STYX: variants seen among roughly 807,000 people sequenced by gnomAD.
STYX encodes serine/threonine/tyrosine interacting protein, also known as serine/threonine/tyrosine-interacting protein.
Under a neutral mutation model 42.7 loss-of-function variants are expected in STYX, and 20 were observed. The observed-to-expected ratio is 0.47, with a 90% confidence interval of 0.33 to 0.68. STYX has a LOEUF of 0.68. STYX is among the 30% of genes least tolerant of loss of function. The pLI, the probability that STYX is intolerant of heterozygous loss-of-function variation, is 0.02. For synonymous variants in STYX, 78 were observed against 81.9 expected, an observed-to-expected ratio of 0.95 and a Z score of 0.26; for missense variants, 226 against 268.5, an observed-to-expected ratio of 0.84 and a Z score of 1.11.
At chr14:52,749,544 A>C (rs1881528714) in intron 3 of STYX, among the ~76,000 whole-genome samples, 1 of 152,190 alleles carries the variant, frequency 6.6e-6, no homozygotes, top group Non-Finnish European at 1.5e-5. Context: ...TGAACAACTT[A>C]ACTAGTTATA....
At position 52,772,857 on chromosome 14, in the gene STYX, G is replaced by T. The variant is rs531875579; in HGVS notation, c.*1751G>T. ...GTGAAAACAGCATATTGTTAATCTC[G>T]TTGTCGTCCAGTATTCTGCTTTGTG... On this transcript the variant is annotated 3_prime_UTR_variant, in exon 11 of 11. Coordinates refer to ENST00000354586, the MANE Select transcript of STYX (RefSeq NM_145251.4). 6.6e-6 allele frequency: 1 copy of T among 151,718 alleles called. No individual in the cohort carries two copies. Among genetic ancestry groups the T allele is most frequent in the South Asian group, 2.1e-4 (1 of 4,800 alleles). The allele number at this position is 151,718 out of a possible 1,614,324, so 9.4% of individuals were successfully genotyped here. A position where few individuals can be genotyped will look rare whatever the true frequency, so the allele number is the denominator to read the frequency against.
rs953391099 is a variant in STYX at position 52,771,275 on chromosome 14, T to A, written c.*169T>A. The A allele has an allele frequency of 7.0e-6, 4 of 570,136 alleles. No homozygotes were observed. Among genetic ancestry groups the A allele is most frequent in the Non-Finnish European group, 1.2e-5 (4 of 330,694 alleles). 35.3% of individuals were successfully genotyped at this position (570,136 alleles called of 1,614,324 possible). Reference sequence around the variant, plus strand: ...TGAGCAACATTTTAAGATGTTGGACTTCTGCAATAGATGACACTGATGGTT... The same window carrying A: ...TGAGCAACATTTTAAGATGTTGGACATCTGCAATAGATGACACTGATGGTT... On this transcript the variant is annotated 3_prime_UTR_variant, in exon 11 of 11. Transcript: ENST00000354586.
At chr14:52,752,902 A>C (rs1249084748) in intron 4 of STYX, among the ~76,000 whole-genome samples, 1 of 116,476 alleles carries the variant, frequency 8.6e-6, no homozygotes, top group African/African-American at 3.3e-5. Flanking sequence ...TTTTTTTGAG[A>C]TGGAGTCTCA....
chr14:52,737,140 A>C (rs1880988546), intron 1 of STYX, among the ~76,000 whole-genome samples: 1 of 152,158 alleles, frequency 6.6e-6, no homozygotes, highest in Admixed American at 6.5e-5. Flanking sequence ...CACTATCCTC[A>C]AATGTATGAA....
intron 2 of STYX, among the ~76,000 whole-genome samples, chr14:52,746,171 G>A (rs1383453481): frequency 6.6e-6 from 1 of 151,994 alleles, no homozygotes; most frequent in African/African-American, 2.4e-5. Flanking sequence ...GTTCATGTCT[G>A]TAATTCCAGC....
chr14:52,757,452 C>G, intron 6 of STYX, 97 bp downstream of exon 6: 4 of 1,154,972 alleles, frequency 3.5e-6, no homozygotes, highest in Non-Finnish European at 5.0e-6. Context: ...ATGGAAGTTA[C>G]AATTATATGT....
chr14:52,770,938 A>T (rs1047120278), intron 10 of STYX, 95 bp from the exon 11 acceptor site: 2 of 1,071,774 alleles, frequency 1.9e-6, no homozygotes, highest in African/African-American at 3.2e-5. Context: ...TTCATAGTGT[A>T]TACATGATCA....
chr14:52,738,373 T>G (rs1367164679), intron 1 of STYX, among the ~76,000 whole-genome samples: 1 of 152,088 alleles, frequency 6.6e-6, no homozygotes, highest in Non-Finnish European at 1.5e-5. Context: ...CTCAAGAGAG[T>G]CTTTCATGTT....
At chr14:52,737,084 A>G (rs1880984219) in intron 1 of STYX, among the ~76,000 whole-genome samples, 1 of 151,998 alleles carries the variant, frequency 6.6e-6, no homozygotes, top group Admixed American at 6.6e-5. Flanking sequence ...CCTCCAGCCT[A>G]TGTACAATTT....
intron 9 of STYX, among the ~76,000 whole-genome samples, chr14:52,767,518 G>C (rs1427440265): frequency 6.6e-6 from 1 of 151,954 alleles, no homozygotes; most frequent in African/African-American, 2.4e-5. Flanking sequence ...CAAAATCTTT[G>C]AGTAAGACCT....
chr14:52,757,415 A>G (rs1302338119), intron 6 of STYX, 60 bp downstream of exon 6: 1 of 1,461,778 alleles, frequency 6.8e-7, no homozygotes, highest in Non-Finnish European at 9.5e-7. Flanking sequence ...TTAATTTTTT[A>G]GTTGGTATTT....
chr14:52,763,340 A>G (rs1259242213), intron 9 of STYX, among the ~76,000 whole-genome samples: 2 of 151,998 alleles, frequency 1.3e-5, no homozygotes, highest in East Asian at 1.9e-4. Flanking sequence ...TTTTTTCTTC[A>G]TCTGGTTAGT....
At chr14:52,732,473 C>A (rs1054107007) in intron 1 of STYX, among the ~76,000 whole-genome samples, 2 of 151,744 alleles carry the variant, frequency 1.3e-5, no homozygotes, top group East Asian at 3.9e-4. Context: ...CGGGGTTTCA[C>A]CATGTTGGCC....
intron 3 of STYX, among the ~76,000 whole-genome samples, chr14:52,749,193 T>C (rs1329572733): frequency 1.3e-5 from 2 of 152,142 alleles, no homozygotes; most frequent in Admixed American, 1.3e-4. Context: ...GAGAACGAGT[T>C]CTTGCCTCTT....
intron 9 of STYX, among the ~76,000 whole-genome samples, chr14:52,764,911 C>T (rs906217300): frequency 2.0e-5 from 3 of 152,006 alleles, no homozygotes; most frequent in African/African-American, 7.2e-5. Flanking sequence ...TCATGTGATC[C>T]ACCCGCCTCA....
intron 1 of STYX, among the ~76,000 whole-genome samples, chr14:52,738,973 C>CTT (rs35897313): frequency 1.4e-5 from 2 of 145,558 alleles, no homozygotes; most frequent in African/African-American, 5.0e-5. Context: ...CTAAATATCA[C>CTT]TTTTTTTTTT....
At chr14:52,757,978 CTT>C in intron 8 of STYX, 54 bp downstream of exon 8, 2 of 1,568,142 alleles carry the variant, frequency 1.3e-6, no homozygotes, top group Non-Finnish European at 8.7e-7. Flanking sequence ...TAAAATGAAA[CTT>C]AATGGGAATA....
chr14:52,756,675 CTTTTTTTTTTTTTT>C (rs748826005), intron 5 of STYX, 64 bp downstream of exon 5: 44 of 71,898 alleles, frequency 6.1e-4, no homozygotes, highest in African/African-American at 2.2e-3. Context: ...CTTAGTTGTG[CTTTTTTTTTTTTTT>C]TTTTTTTTTT....
intron 8 of STYX, 51 bp downstream of exon 8, chr14:52,757,975 A>AT: frequency 1.3e-6 from 2 of 1,574,160 alleles, no homozygotes; most frequent in Non-Finnish European, 1.7e-6. Flanking sequence ...CATTAAAATG[A>AT]AACTTAATGG....
Sources: allele counts gnomAD v4.1 joint callset (sites outside exome capture counted in the v4.1 genomes callset), GRCh38; gene constraint gnomAD v4.1.1; transcripts MANE v1.5; gene names NCBI Gene and HGNC (gene_info 2026-07-23, HGNC 2026-07-21).